The following TCF7L2 variants were observed in gnomAD, a reference collection of about 807,000 sequenced individuals.
The protein encoded by TCF7L2 is transcription factor 7 like 2, also known as transcription factor 7-like 2.
Under a neutral mutation model 77.9 loss-of-function variants are expected in TCF7L2, and 23 were observed. The ratio of observed to expected loss-of-function variants is 0.30; its 90% CI spans 0.21 to 0.42. The LOEUF is 0.42. TCF7L2 is among the 10% of genes least tolerant of loss of function. The pLI, the probability that TCF7L2 is intolerant of heterozygous loss-of-function variation, is 1.00. For missense variants in TCF7L2, 654 were observed against 793.1 expected (o/e 0.82, Z 2.11); for synonymous variants, 413 against 340.2 (o/e 1.21, Z -2.36).
intron 4 of TCF7L2, among the ~76,000 whole-genome samples, chr10:112,996,299 G>C (rs2043467965): frequency 6.6e-6 from 1 of 152,132 alleles, no homozygotes; most frequent in Admixed American, 6.5e-5. Flanking sequence ...CCTTGTCAAG[G>C]GTCTCTATTA....
intron 3 of TCF7L2, among the ~76,000 whole-genome samples, chr10:112,953,743 G>A (rs1411959869): frequency 6.6e-6 from 1 of 152,192 alleles, no homozygotes; most frequent in Admixed American, 6.5e-5. Flanking sequence ...ATTTCCCGGT[G>A]AGAAAAGGAA....
intron 3 of TCF7L2, among the ~76,000 whole-genome samples, chr10:112,956,363 T>A (rs2033611621): frequency 7.3e-6 from 1 of 137,532 alleles, no homozygotes; most frequent in Non-Finnish European, 1.5e-5. Flanking sequence ...TTTTTTTTTT[T>A]TTTTAAATGC....
At chr10:113,019,390 G>C (rs923929365) in intron 4 of TCF7L2, among the ~76,000 whole-genome samples, 1 of 151,990 alleles carries the variant, frequency 6.6e-6, no homozygotes, top group Non-Finnish European at 1.5e-5. Context: ...TAATGGTTGT[G>C]GGGGGGTGGC....
At position 113,151,263 on chromosome 10, in the gene TCF7L2, T is replaced by C. The variant is rs112921951; in HGVS notation, c.1001+140T>C. 1.9e-3 allele frequency: 2,179 copies of C among 1,128,692 alleles called. 18 individuals carry two copies. In the African/African-American group the frequency reaches 0.025, roughly 13 times the overall value. The allele number at this position is 1,128,692 out of a possible 1,614,324, so 69.9% of individuals were successfully genotyped here. On this transcript the variant is annotated intron_variant, in intron 9 of 13. Transcript: ENST00000627217. The surrounding 1 kb of genome is among the most constrained non-coding windows in gnomAD (Gnocchi z 5.2). ...CCAATACCCAGCCTGTGTGGGCTCTTCACTCCCTTACAAAGAGAGAGAGAG... is the reference window on the plus strand; with the variant it reads ...CCAATACCCAGCCTGTGTGGGCTCTCCACTCCCTTACAAAGAGAGAGAGAG...
intron 5 of TCF7L2, among the ~76,000 whole-genome samples, chr10:113,128,076 G>A (rs2065954141): frequency 6.6e-6 from 1 of 152,040 alleles, no homozygotes; most frequent in Non-Finnish European, 1.5e-5. Flanking sequence ...GGTGGTCCGC[G>A]TGAATAGAGG....
intron 4 of TCF7L2, among the ~76,000 whole-genome samples, chr10:112,968,836 C>T (rs2037601562): frequency 6.6e-6 from 1 of 152,100 alleles, no homozygotes; most frequent in African/African-American, 2.4e-5. Flanking sequence ...ATTTGGCCTC[C>T]CAAAGTGCTG....
intron 5 of TCF7L2, among the ~76,000 whole-genome samples, chr10:113,097,524 G>A (rs527716754): frequency 1.3e-5 from 2 of 151,716 alleles, no homozygotes; most frequent in South Asian, 2.1e-4. Flanking sequence ...ATGGTGGCAG[G>A]CACCTGTAAT....
intron 5 of TCF7L2, among the ~76,000 whole-genome samples, chr10:113,068,314 C>T (rs2057518344): frequency 6.6e-6 from 1 of 152,218 alleles, no homozygotes; most frequent in Non-Finnish European, 1.5e-5. Context: ...TCTTGCACTG[C>T]TTGCTGTTGA....
At chr10:113,159,771 C>T in intron 12 of TCF7L2, 149 bp from the exon 14 acceptor site, 1 of 580,536 alleles carries the variant, frequency 1.7e-6, no homozygotes, top group Non-Finnish European at 3.1e-6. Flanking sequence ...AATTAGTAAC[C>T]AGGTCATTGA....
chr10:113,081,138 G>T (rs1384077271), intron 5 of TCF7L2, among the ~76,000 whole-genome samples: 1 of 152,172 alleles, frequency 6.6e-6, no homozygotes, highest in East Asian at 1.9e-4. Flanking sequence ...CCCCTATGTT[G>T]TTTTGACTTT....
At chr10:112,973,506 C>G (rs1434940411) in intron 4 of TCF7L2, among the ~76,000 whole-genome samples, 1 of 152,142 alleles carries the variant, frequency 6.6e-6, no homozygotes, top group Non-Finnish European at 1.5e-5. Context: ...AATCTGCTAC[C>G]ACTTCCCCAC....
chr10:112,967,034 C>T (rs572574145), intron 4 of TCF7L2, among the ~76,000 whole-genome samples: 15 of 133,956 alleles, frequency 1.1e-4, no homozygotes, highest in African/African-American at 4.6e-4. Context: ...TAGTTTGATC[C>T]TCAAAGGATA....
intron 3 of TCF7L2, among the ~76,000 whole-genome samples, chr10:112,955,761 G>T (rs559575851): frequency 2.6e-5 from 4 of 152,108 alleles, no homozygotes; most frequent in Non-Finnish European, 5.9e-5. Context: ...AAAAGTTACC[G>T]GAAGGTTTCC....
chr10:113,120,833 G>A (rs1370619850), intron 5 of TCF7L2, among the ~76,000 whole-genome samples: 1 of 152,160 alleles, frequency 6.6e-6, no homozygotes, highest in Non-Finnish European at 1.5e-5. Flanking sequence ...ATGAGGCCAA[G>A]AGCAGTTACA....
At chr10:112,985,860 T>TGG (rs946184768) in intron 4 of TCF7L2, among the ~76,000 whole-genome samples, 5 of 146,608 alleles carry the variant, frequency 3.4e-5, no homozygotes, top group African/African-American at 1.3e-4. Context: ...AGCCTGTAGT[T>TGG]TGTGTGTGTG....
intron 4 of TCF7L2, among the ~76,000 whole-genome samples, chr10:113,013,269 C>T (rs1590411276): frequency 6.6e-6 from 1 of 151,708 alleles, no homozygotes; most frequent in African/African-American, 2.4e-5. Flanking sequence ...CAGGCGTGCG[C>T]CCCCACACCT....
intron 4 of TCF7L2, among the ~76,000 whole-genome samples, chr10:112,994,205 C>T (rs531540212): frequency 2.6e-5 from 4 of 152,244 alleles, no homozygotes; most frequent in Admixed American, 1.3e-4. Context: ...TTTTCCTCAC[C>T]CCCGAGGAGA....
chr10:112,971,655 C>T (rs913687520), intron 4 of TCF7L2, among the ~76,000 whole-genome samples: 2 of 150,098 alleles, frequency 1.3e-5, no homozygotes, highest in African/African-American at 2.5e-5. Flanking sequence ...CTCTGTCACC[C>T]AGTCTGGAAT....
At chr10:113,099,742 T>C (rs2061427964) in intron 5 of TCF7L2, among the ~76,000 whole-genome samples, 1 of 152,124 alleles carries the variant, frequency 6.6e-6, no homozygotes, top group Admixed American at 6.6e-5. Context: ...ATCGCACACA[T>C]GTAAATTCTT....
Sources: gnomAD v4.1 joint callset for allele counts (sites outside exome capture counted in the v4.1 genomes callset) on GRCh38, gnomAD v4.1.1 for gene constraint, Gnocchi (gnomAD v3.1) non-coding constraint, MANE v1.5 for transcripts, NCBI Gene and HGNC (gene_info 2026-07-23, HGNC 2026-07-21) for gene names.